The following LRRC4C variants were observed in gnomAD, a reference collection of about 807,000 sequenced individuals.
LRRC4C encodes leucine-rich repeat-containing protein 4C.
In LRRC4C, 5 loss-of-function variants were observed where a neutral mutation model predicts 33.6. The observed-to-expected ratio is 0.15, with a 90% CI of 0.08 to 0.31. LRRC4C has a LOEUF of 0.31. Ranked by LOEUF, LRRC4C falls within the 10% of genes least tolerant of loss-of-function variation. The probability of loss-of-function intolerance (pLI) is 1.00; values close to 1 mark genes in which losing one functional copy is unlikely to be tolerated. For synonymous variants in LRRC4C, 329 were observed against 302.0 expected (o/e 1.09, Z -0.93); for missense variants, 560 against 796.7 (o/e 0.70, Z 3.58).
At chr11:41,218,149 A>G (rs925477395) in intron 1 of LRRC4C, among the ~76,000 whole-genome samples, 3 of 152,180 alleles carry the variant, frequency 2.0e-5, no homozygotes, top group Non-Finnish European at 4.4e-5. Context: ...CAAAAAAAAA[A>G]AAAAACTTTA....
At chr11:40,256,729 A>G (rs1867235597) in intron 4 of LRRC4C, among the ~76,000 whole-genome samples, 1 of 152,180 alleles carries the variant, frequency 6.6e-6, no homozygotes, top group East Asian at 1.9e-4. Flanking sequence ...TAGTATTCAT[A>G]CCTGCAGATG....
chr11:40,182,427 A>G (rs1166949431), intron 5 of LRRC4C, among the ~76,000 whole-genome samples: 1 of 152,228 alleles, frequency 6.6e-6, no homozygotes, highest in Non-Finnish European at 1.5e-5. Context: ...GTTACTGTAT[A>G]AAATTTCTGC....
intron 3 of LRRC4C, among the ~76,000 whole-genome samples, chr11:40,607,884 G>A (rs1226877764): frequency 6.6e-6 from 1 of 152,052 alleles, no homozygotes; most frequent in African/African-American, 2.4e-5. Context: ...CAGTGGGGTT[G>A]GTGCCCACGG....
In LRRC4C at chr11:40,198,842, C is replaced by T. The variant is rs145977234; in HGVS notation, c.-96+42677G>A. Among the ~76,000 whole-genome samples, 16 of 152,298 alleles carry T rather than the reference C, an allele frequency of 1.1e-4. No homozygotes were observed. In the East Asian group the frequency reaches 2.9e-3, roughly 28 times the overall value. On this transcript the variant is annotated intron_variant, in intron 5 of 6. Coordinates refer to ENST00000528697, the MANE Select transcript of LRRC4C (RefSeq NM_001258419.2). ...GCACAAGGTCAGACATGGACACTCC[C>T]AGAAACTGATACAAAAATGTAAACC... is the stretch of plus-strand genomic sequence containing the variant.
At chr11:40,563,882 T>A (rs1198285227) in intron 3 of LRRC4C, among the ~76,000 whole-genome samples, 1 of 152,154 alleles carries the variant, frequency 6.6e-6, no homozygotes, top group Non-Finnish European at 1.5e-5. Context: ...GCCCTCTGTC[T>A]CCTTAAGGCA....
chr11:41,250,152 G>C (rs975863075), intron 1 of LRRC4C, among the ~76,000 whole-genome samples: 3 of 152,128 alleles, frequency 2.0e-5, no homozygotes, highest in African/African-American at 7.2e-5. Flanking sequence ...CTGGGCAACA[G>C]AGCAAGACTT....
chr11:41,252,252 T>G (rs990615046), intron 1 of LRRC4C, among the ~76,000 whole-genome samples: 1 of 152,096 alleles, frequency 6.6e-6, no homozygotes, highest in Non-Finnish European at 1.5e-5. Flanking sequence ...GTCAATACGT[T>G]TCCTAATTGG....
At chr11:40,664,203 T>C (rs919308534) in intron 2 of LRRC4C, among the ~76,000 whole-genome samples, 3 of 152,186 alleles carry the variant, frequency 2.0e-5, no homozygotes, top group African/African-American at 7.2e-5. Context: ...TTTAAATGCA[T>C]ATCTTATATA....
At chr11:40,831,695 C>T (rs1952418703) in intron 2 of LRRC4C, among the ~76,000 whole-genome samples, 1 of 152,024 alleles carries the variant, frequency 6.6e-6, no homozygotes, top group Non-Finnish European at 1.5e-5. Context: ...ACAATCATGG[C>T]AGAAGGCAAA....
intron 2 of LRRC4C, among the ~76,000 whole-genome samples, chr11:40,785,505 C>A (rs1193209380): frequency 1.3e-5 from 2 of 152,020 alleles, no homozygotes; most frequent in African/African-American, 4.8e-5. Context: ...TCCATAAAAC[C>A]CATTTCCTCT....
chr11:41,330,810 T>C (rs1951271114), intron 1 of LRRC4C, among the ~76,000 whole-genome samples: 1 of 151,986 alleles, frequency 6.6e-6, no homozygotes, highest in Non-Finnish European at 1.5e-5. Flanking sequence ...AGATTATAAG[T>C]ATATATGTAC....
At chr11:40,480,556 A>G (rs1953500611) in intron 3 of LRRC4C, among the ~76,000 whole-genome samples, 1 of 151,876 alleles carries the variant, frequency 6.6e-6, no homozygotes, top group South Asian at 2.1e-4. Flanking sequence ...AATAATCTGG[A>G]CACTAAACCC....
intron 3 of LRRC4C, among the ~76,000 whole-genome samples, chr11:40,442,162 CAAAAA>C (rs1158464665): frequency 1.8e-5 from 1 of 56,190 alleles, no homozygotes; most frequent in Non-Finnish European, 3.2e-5. Context: ...GACTCCATTT[CAAAAA>C]AAAAAAAAAA....
At chr11:41,137,655 T>G (rs1943324444) in intron 1 of LRRC4C, among the ~76,000 whole-genome samples, 1 of 152,072 alleles carries the variant, frequency 6.6e-6, no homozygotes, top group Non-Finnish European at 1.5e-5. Flanking sequence ...TATAATCAGA[T>G]CTCTTTAGAT....
chr11:40,972,494 T>C (rs1316764276), intron 1 of LRRC4C, among the ~76,000 whole-genome samples: 1 of 152,058 alleles, frequency 6.6e-6, no homozygotes, highest in African/African-American at 2.4e-5. Context: ...CAAAATGATA[T>C]GGCTAGTGTA....
intron 1 of LRRC4C, among the ~76,000 whole-genome samples, chr11:41,020,829 A>T (rs1237140088): frequency 6.6e-6 from 1 of 152,028 alleles, no homozygotes; most frequent in Non-Finnish European, 1.5e-5. Context: ...AGCTAATCTA[A>T]TCCATGGTAT....
chr11:40,369,668 T>C (rs1948366613), intron 3 of LRRC4C, among the ~76,000 whole-genome samples: 1 of 152,220 alleles, frequency 6.6e-6, no homozygotes, highest in African/African-American at 2.4e-5. Flanking sequence ...AAGTAATTAG[T>C]TTTCTAATTG....
chr11:41,153,131 A>C (rs983716836), intron 1 of LRRC4C, among the ~76,000 whole-genome samples: 3 of 152,186 alleles, frequency 2.0e-5, no homozygotes, highest in Admixed American at 6.6e-5. Flanking sequence ...ACAGCCTGGG[A>C]TTCTCTTCGC....
chr11:40,573,854 C>T (rs1958077464), intron 3 of LRRC4C, among the ~76,000 whole-genome samples: 1 of 152,148 alleles, frequency 6.6e-6, no homozygotes, highest in Non-Finnish European at 1.5e-5. Context: ...AGACTACAGT[C>T]ATCTTTTTTT....
Sources: gnomAD v4.1 joint callset for allele counts (sites outside exome capture counted in the v4.1 genomes callset) on GRCh38, gnomAD v4.1.1 for gene constraint, MANE v1.5 for transcripts, NCBI Gene and HGNC (gene_info 2026-07-23, HGNC 2026-07-21) for gene names.